ERBB4: variants seen among roughly 807,000 people sequenced by gnomAD.
ERBB4 encodes receptor tyrosine-protein kinase erbB-4.
ERBB4 carries 42 observed loss-of-function variants against 158.0 expected under a neutral mutation model. That is an observed-to-expected ratio of 0.27 (90% CI 0.21 to 0.34). The LOEUF is 0.34. Among genes scored for constraint, ERBB4 ranks in the 10% least tolerant of loss-of-function variants. The probability of loss-of-function intolerance (pLI) is 1.00; values close to 1 mark genes in which losing one functional copy is unlikely to be tolerated. For synonymous variants in ERBB4, 583 were observed against 558.7 expected (o/e 1.04, Z -0.61); for missense variants, 1,333 against 1,624.1 (o/e 0.82, Z 3.08).
At chr2:211,657,927 TG>T in intron 15 of ERBB4, 99 bp from the exon 16 acceptor site, 5 of 1,609,940 alleles carry the variant, frequency 3.1e-6, no homozygotes, top group Non-Finnish European at 4.2e-6. Flanking sequence ...AGGAAGAACA[TG>T]GGAAGCAAGC....
At chr2:212,267,270 G>T (rs1262860657) in intron 1 of ERBB4, among the ~76,000 whole-genome samples, 1 of 151,744 alleles carries the variant, frequency 6.6e-6, no homozygotes, top group Non-Finnish European at 1.5e-5. Context: ...TCAATAGAAA[G>T]AAAATAATTC....
chr2:212,311,558 T>A (rs1310520372), intron 1 of ERBB4, among the ~76,000 whole-genome samples: 1 of 150,950 alleles, frequency 6.6e-6, no homozygotes, highest in Non-Finnish European at 1.5e-5. Context: ...AAAGATAAAA[T>A]GAATTTGTTT....
rs2071589625 is a variant in ERBB4, at chr2:211,665,370, A to G, written c.1824T>C (p.Ala608=). 1.2e-6 allele frequency: 2 copies of G among 1,614,082 alleles called. No individual in the cohort carries two copies. Among genetic ancestry groups the G allele is most frequent in the Non-Finnish European group, 1.7e-6 (2 of 1,180,036 alleles). The change falls in exon 15 of 28, where the codon GCT becomes GCC. Residue 608 remains alanine, a synonymous_variant. Transcript: ENST00000342788. The part of the protein sequence containing the change: ...QGANSFIFKY[A]DPDRECHPCH... The stretch of plus-strand genomic sequence containing the variant: ...ATGGGTGGCACTCCCGATCTGGATC[A>G]GCATACTTGAAAATGAAACTGTTTG...
intron 1 of ERBB4, among the ~76,000 whole-genome samples, chr2:212,333,275 TTTC>T (rs1291702677): frequency 1.3e-5 from 2 of 151,998 alleles, no homozygotes; most frequent in Non-Finnish European, 2.9e-5. Flanking sequence ...ATCCTCTTCA[TTTC>T]TTATTTGATC....
intron 1 of ERBB4, among the ~76,000 whole-genome samples, chr2:212,361,608 T>C (rs2089689285): frequency 6.6e-6 from 1 of 151,614 alleles, no homozygotes; most frequent in East Asian, 1.9e-4. Context: ...TGTGTGAGAG[T>C]GCATGGTTAG....
At chr2:212,286,198 T>C (rs547783868) in intron 1 of ERBB4, among the ~76,000 whole-genome samples, 1 of 152,314 alleles carries the variant, frequency 6.6e-6, no homozygotes, top group East Asian at 1.9e-4. Context: ...ACATTGGTTC[T>C]TACGGTTTAC....
chr2:211,637,001 T>A (rs1421800416), intron 16 of ERBB4, among the ~76,000 whole-genome samples: 1 of 151,970 alleles, frequency 6.6e-6, no homozygotes, highest in Non-Finnish European at 1.5e-5. Context: ...TACTGCATTT[T>A]ATGAATGTAT....
At chr2:211,957,489 C>A (rs1310943360) in intron 2 of ERBB4, among the ~76,000 whole-genome samples, 5 of 152,116 alleles carry the variant, frequency 3.3e-5, no homozygotes, top group Non-Finnish European at 7.4e-5. Context: ...GCATTCCTAG[C>A]AAACTAAAAC....
intron 1 of ERBB4, among the ~76,000 whole-genome samples, chr2:212,190,524 G>C (rs573708932): frequency 8.1e-6 from 1 of 123,488 alleles, no homozygotes; most frequent in Admixed American, 8.8e-5. Flanking sequence ...GCAACAGAGC[G>C]AGACTCCGTC....
chr2:212,446,985 C>T (rs1438090352), intron 1 of ERBB4, among the ~76,000 whole-genome samples: 1 of 148,354 alleles, frequency 6.7e-6, no homozygotes, highest in African/African-American at 2.5e-5. Flanking sequence ...CTAATTAATA[C>T]CAAATTTTTC....
At chr2:212,208,738 A>T (rs1029192374) in intron 1 of ERBB4, among the ~76,000 whole-genome samples, 1 of 152,218 alleles carries the variant, frequency 6.6e-6, no homozygotes, top group East Asian at 1.9e-4. Context: ...AATAACAATT[A>T]TGTCAATTTA....
intron 16 of ERBB4, among the ~76,000 whole-genome samples, chr2:211,638,561 AT>A (rs1239734218): frequency 1.3e-5 from 2 of 152,144 alleles, no homozygotes; most frequent in Admixed American, 6.6e-5. Context: ...CCTCTATTAC[AT>A]TTCAAATATG....
At chr2:212,470,163 T>C (rs1476220335) in intron 1 of ERBB4, among the ~76,000 whole-genome samples, 1 of 152,154 alleles carries the variant, frequency 6.6e-6, no homozygotes, top group Non-Finnish European at 1.5e-5. Context: ...TGCTAATTCA[T>C]TATTTGTTGT....
chr2:211,810,662 C>CTTTTTTTTTTT (rs59305629), intron 3 of ERBB4, among the ~76,000 whole-genome samples: 3 of 101,512 alleles, frequency 3.0e-5, no homozygotes, highest in African/African-American at 3.9e-5. Flanking sequence ...CAGTCTCTGT[C>CTTTTTTTTTTT]TTTTTTTTTT....
intron 1 of ERBB4, among the ~76,000 whole-genome samples, chr2:212,139,664 A>G (rs926272768): frequency 1.3e-5 from 2 of 151,986 alleles, no homozygotes; most frequent in Admixed American, 1.3e-4. Context: ...CTGAGAGTCT[A>G]AATTATATAT....
chr2:211,539,998 T>C (rs1312679451), intron 20 of ERBB4, among the ~76,000 whole-genome samples: 7 of 151,952 alleles, frequency 4.6e-5, no homozygotes, highest in Admixed American at 4.6e-4. Flanking sequence ...GATGCTTTCT[T>C]GTGAACATCC....
intron 3 of ERBB4, among the ~76,000 whole-genome samples, chr2:211,824,352 G>A (rs925031680): frequency 1.3e-5 from 2 of 151,944 alleles, no homozygotes; most frequent in African/African-American, 2.4e-5. Context: ...CATCGCTAAC[G>A]TATGCAGTTC....
At chr2:212,328,899 C>T (rs567699961) in intron 1 of ERBB4, among the ~76,000 whole-genome samples, 3 of 152,102 alleles carry the variant, frequency 2.0e-5, no homozygotes, top group African/African-American at 7.2e-5. Context: ...CCTTATAAAA[C>T]ATTTAGTGCT....
At chr2:211,479,910 T>C (rs150435340) in intron 20 of ERBB4, among the ~76,000 whole-genome samples, 1 of 152,184 alleles carries the variant, frequency 6.6e-6, no homozygotes, top group South Asian at 2.1e-4. Flanking sequence ...TTTCCCTTTT[T>C]TTCAGAGAAA....
Sources: allele counts gnomAD v4.1 joint callset (sites outside exome capture counted in the v4.1 genomes callset), GRCh38; gene constraint gnomAD v4.1.1; transcripts MANE v1.5; gene names NCBI Gene and HGNC (gene_info 2026-07-23, HGNC 2026-07-21).